The following PPIP5K1 variants were observed in gnomAD, a reference collection of about 807,000 sequenced individuals.
PPIP5K1 encodes the protein inositol hexakisphosphate and diphosphoinositol-pentakisphosphate kinase 1.
PPIP5K1 carries 6 observed loss-of-function variants against 27.7 expected under a neutral mutation model. The ratio of observed to expected loss-of-function variants is 0.22; its 90% CI spans 0.12 to 0.43. The LOEUF is 0.43. Ranked by LOEUF, PPIP5K1 falls within the 20% of genes least tolerant of loss-of-function variation. The probability of loss-of-function intolerance (pLI) is 1.00; values close to 1 mark genes in which losing one functional copy is unlikely to be tolerated. For missense variants in PPIP5K1, 394 were observed against 635.4 expected (o/e 0.62, Z 4.08); for synonymous variants, 145 against 242.6 (o/e 0.60, Z 3.74).
At position 43,535,413 on chromosome 15, in the gene PPIP5K1, C is replaced by A. The variant is rs1176934879; in HGVS notation, c.3734G>T (p.Gly1245Val). The A allele has an allele frequency of 1.9e-6, 3 of 1,613,394 alleles. No individual in the cohort carries two copies. The highest frequency in any genetic ancestry group is 2.5e-6 in the Non-Finnish European group (3 of 1,179,748). ...AGPSSPTTVD[G>V]NSQFGFSDQP... is the part of the protein sequence containing the mutation. Reference sequence around the variant, plus strand: ...ATCACTGAAGCCAAATTGGGAGTTACCATCTACTGTAGTAGGGGAAGAAGG... The same window carrying A: ...ATCACTGAAGCCAAATTGGGAGTTAACATCTACTGTAGTAGGGGAAGAAGG... Residue 1245 changes from glycine (G) to valine (V), a missense_variant, in exon 32 of 32, where the codon GGT becomes GTT. Physicochemically the swap from Gly to Val is moderately radical, Grantham distance 109. Coordinates refer to ENST00000420765, the MANE Select transcript of PPIP5K1 (RefSeq NM_001394395.1).
At chr15:43,565,550 C>A (rs1467459696) in intron 26 of PPIP5K1, among the ~76,000 whole-genome samples, 1 of 147,100 alleles carries the variant, frequency 6.8e-6, no homozygotes, top group Non-Finnish European at 1.5e-5. Flanking sequence ...ATGAGGCTCA[C>A]AATTTTTTTT....
At chr15:43,557,460 T>C (rs1290431153) in intron 30 of PPIP5K1, among the ~76,000 whole-genome samples, 2 of 151,920 alleles carry the variant, frequency 1.3e-5, no homozygotes, top group East Asian at 3.9e-4. Flanking sequence ...AAAAAGTCTT[T>C]GTGTCACACC....
chr15:43,586,233 AT>A (rs1441005063), intron 1 of PPIP5K1, among the ~76,000 whole-genome samples: 1 of 2,240 alleles, frequency 4.5e-4, no homozygotes, highest in African/African-American at 1.2e-3. Flanking sequence ...AAAAAAAAAA[AT>A]TTCTTTTCTT....
chr15:43,539,440 TGTCTAGGCAGTTCCAAAAGGATTA>T lies in PPIP5K1; in HGVS notation c.3670+6_3670+29del. Reference sequence around the variant, plus strand: ...CAATCACTCCAGTCTTCATGACTTTTGTCTAGGCAGTTCCAAAAGGATTACTTACACCAAGGGGGCTTCTCAGAG... The same window carrying T: ...CAATCACTCCAGTCTTCATGACTTTTCTTACACCAAGGGGGCTTCTCAGAG... On this transcript the variant is annotated splice_donor_region_variant and intron_variant, in intron 31 of 31. Coordinates refer to ENST00000420765, the MANE Select transcript of PPIP5K1 (RefSeq NM_001394395.1). 6.8e-7 allele frequency: 1 copy of T among 1,461,636 alleles called. No homozygotes were observed. The allele number at this position is 1,461,636 out of a possible 1,614,324, so 90.5% of individuals were successfully genotyped here.
intron 30 of PPIP5K1, among the ~76,000 whole-genome samples, chr15:43,557,346 C>A (rs1391471201): frequency 6.6e-6 from 1 of 152,160 alleles, no homozygotes; most frequent in African/African-American, 2.4e-5. Context: ...ACTCAGGAGG[C>A]TGAGGCAGGG....
chr15:43,579,566 TACATATATAC>T (rs2084741732), intron 10 of PPIP5K1, among the ~76,000 whole-genome samples: 2 of 76,750 alleles, frequency 2.6e-5, no homozygotes, highest in East Asian at 9.1e-4. Flanking sequence ...CATATATACG[TACATATATAC>T]ACATATATAC....
rs542962710 is a variant in PPIP5K1, at chr15:43,558,690, C to T, written c.3556+105G>A. The T allele has an allele frequency of 8.9e-6, 13 of 1,460,894 alleles. No individual in the cohort carries two copies. In the South Asian group the frequency reaches 1.5e-4, roughly 17 times the overall value. The allele number at this position is 1,460,894 out of a possible 1,614,324, so 90.5% of individuals were successfully genotyped here. On this transcript the variant is annotated intron_variant, in intron 30 of 31. Transcript: ENST00000420765. ...TACATTTTTAAGTGTACTTTTGTGT[C>T]TTTGTGGATTGCCTAACTAGCTTTC...
At chr15:43,551,799 T>C (rs1276514194) in intron 30 of PPIP5K1, among the ~76,000 whole-genome samples, 3 of 151,302 alleles carry the variant, frequency 2.0e-5, no homozygotes, top group Admixed American at 2.0e-4. Context: ...GAGACGGGGT[T>C]TCACCGTTTT....
chr15:43,534,611 C>T lies in PPIP5K1; in HGVS notation c.*63G>A. 7.0e-7 allele frequency: 1 copy of T among 1,423,624 alleles called. No individual in the cohort carries two copies. Among genetic ancestry groups the T allele is most frequent in the Non-Finnish European group, 9.4e-7 (1 of 1,059,978 alleles). 88.2% of individuals were successfully genotyped at this position (1,423,624 alleles called of 1,614,324 possible). ...GAGGGTTTGGATCACCAGATGGATG[C>T]TGGGCTTGAGGAATACCCTCTCCAG... On this transcript the variant is annotated 3_prime_UTR_variant, in exon 32 of 32. Coordinates refer to ENST00000420765, the MANE Select transcript of PPIP5K1 (RefSeq NM_001394395.1).
At chr15:43,536,205 G>A (rs1013156605) in intron 31 of PPIP5K1, 5 of 670,360 alleles carry the variant, frequency 7.5e-6, no homozygotes, top group Non-Finnish European at 9.0e-6. Flanking sequence ...GATCACTTGA[G>A]GTCAGGAGCT....
At chr15:43,550,361 G>A (rs570352518) in intron 30 of PPIP5K1, among the ~76,000 whole-genome samples, 13 of 151,940 alleles carry the variant, frequency 8.6e-5, no homozygotes, top group African/African-American at 3.1e-4. Flanking sequence ...GTCCAGGCTT[G>A]TCTCAAACTC....
intron 30 of PPIP5K1, among the ~76,000 whole-genome samples, chr15:43,556,163 T>C (rs903142636): frequency 6.6e-6 from 1 of 151,074 alleles, no homozygotes; most frequent in Non-Finnish European, 1.5e-5. Context: ...ACTAAAAAAA[T>C]ACAAAAATTA....
chr15:43,545,705 A>G (rs2081289811), intron 30 of PPIP5K1, among the ~76,000 whole-genome samples: 1 of 151,740 alleles, frequency 6.6e-6, no homozygotes, highest in Non-Finnish European at 1.5e-5. Flanking sequence ...GGCTTTCCTT[A>G]CTTTCAGATG....
At chr15:43,559,248 T>A (rs2083461202) in intron 29 of PPIP5K1, among the ~76,000 whole-genome samples, 1 of 152,194 alleles carries the variant, frequency 6.6e-6, no homozygotes, top group Admixed American at 6.5e-5. Flanking sequence ...CCAACGTTGT[T>A]CTCACACTTT....
intron 30 of PPIP5K1, among the ~76,000 whole-genome samples, chr15:43,545,738 C>A (rs1297174753): frequency 1.3e-5 from 2 of 152,110 alleles, no homozygotes; most frequent in African/African-American, 2.4e-5. Flanking sequence ...ACCACTAACA[C>A]CCTGCTTACT....
At chr15:43,549,044 AAAAAAAAAAAAAATATAT>A (rs1279663301) in intron 30 of PPIP5K1, among the ~76,000 whole-genome samples, 6 of 92,518 alleles carry the variant, frequency 6.5e-5, no homozygotes, top group East Asian at 3.5e-4. Flanking sequence ...AAAAAAAAAA[AAAAAAAAAAAAAATATAT>A]ATATATATAT....
chr15:43,547,964 G>A (rs1436095418), intron 30 of PPIP5K1, among the ~76,000 whole-genome samples: 1 of 152,148 alleles, frequency 6.6e-6, no homozygotes, highest in Non-Finnish European at 1.5e-5. Flanking sequence ...ACAATATCAT[G>A]TCTTCAACAT....
At chr15:43,552,589 G>A (rs1453179010) in intron 30 of PPIP5K1, among the ~76,000 whole-genome samples, 1 of 150,220 alleles carries the variant, frequency 6.7e-6, no homozygotes, top group Non-Finnish European at 1.5e-5. Flanking sequence ...GTGTGGTGGT[G>A]TGTGCCTGTA....
intron 30 of PPIP5K1, among the ~76,000 whole-genome samples, chr15:43,553,043 T>C (rs1288159319): frequency 6.6e-6 from 1 of 152,064 alleles, no homozygotes; most frequent in Non-Finnish European, 1.5e-5. Context: ...TTCAAAAAAA[T>C]AAAAAAGAAA....
Sources: gnomAD v4.1 joint callset for allele counts (sites outside exome capture counted in the v4.1 genomes callset) on GRCh38, gnomAD v4.1.1 for gene constraint, MANE v1.5 for transcripts, NCBI Gene and HGNC (gene_info 2026-07-23, HGNC 2026-07-21) for gene names.